The following OR52A5 variants were observed in gnomAD, a reference collection of about 807,000 sequenced individuals.
OR52A5 encodes olfactory receptor family 52 subfamily A member 5, also known as olfactory receptor 52A5.
A neutral mutation model predicts 18.2 loss-of-function variants in OR52A5; 16 were observed. That is an observed-to-expected ratio of 0.88 (90% CI 0.60 to 1.34). The LOEUF (loss-of-function observed/expected upper bound fraction) is 1.34. Among genes scored for constraint, OR52A5 ranks in the 40% most tolerant of loss-of-function variants. The pLI is 0.00. For missense variants in OR52A5, 418 were observed against 383.0 expected (o/e 1.09, Z -0.76); for synonymous variants, 140 against 137.2 (o/e 1.02, Z -0.14).
At chr11:5,135,540 G>A (rs372746657) in intron 1 of OR52A5, among the ~76,000 whole-genome samples, 259 of 152,226 alleles carry the variant, frequency 1.7e-3, no homozygotes, top group African/African-American at 5.7e-3. Flanking sequence ...GGAAGTGGGG[G>A]TGAGACATGC....
Position 5,132,570 on chromosome 11 carries a change from C to G in OR52A5, c.73G>C (p.Val25Leu), listed in dbSNP as rs139943633. 2.2e-4 allele frequency: 358 copies of G among 1,614,008 alleles called. 5 individuals carry two copies. In the East Asian group the frequency reaches 5.4e-3, roughly 25 times the overall value. The change falls in exon 2 of 2, where the codon GTG becomes CTG. Residue 25 changes from valine to leucine, a missense_variant. By Grantham distance (32) the Val-to-Leu change is conservative. Transcript: ENST00000307388. ...ILIGIPGLES[V>L]QCWIGIPFSA... ...AAAGGAATCCCAATCCAACACTGCA[C>G]TGACTCCAGACCAGGAATCCCAATT...
rs570006771 is a variant in OR52A5 at position 5,131,501 on chromosome 11, T to C, written c.*191A>G. 4.8e-4 allele frequency: 202 copies of C among 417,882 alleles called. 1 individual carries two copies. The East Asian group carries it at 7.8e-3, about 16-fold the overall frequency. The allele number at this position is 417,882 out of a possible 1,614,324, so 25.9% of individuals were successfully genotyped here. A position where few individuals can be genotyped will look rare whatever the true frequency, so the allele number is the denominator to read the frequency against. On this transcript the variant is annotated 3_prime_UTR_variant, in exon 2 of 2. Transcript: ENST00000307388. ...ATATTGATAAGTATTTCAGATAAAG[T>C]AAATAAGACACAGATAAATGATTCC... is the stretch of plus-strand genomic sequence containing the variant.
chr11:5,132,003 T>A lies in OR52A5; in HGVS notation c.640A>T (p.Ile214Leu). 1 of 1,614,216 alleles carries A rather than the reference T, an allele frequency of 6.2e-7. No individual in the cohort carries two copies. Among genetic ancestry groups the A allele is most frequent in the Non-Finnish European group, 8.5e-7 (1 of 1,180,036 alleles). Reference protein sequence around the residue: ...FVAFAILGFDIIFITLSYVQI... With the variant: ...FVAFAILGFDLIFITLSYVQI... ...ACATAGGACAAGGTTATAAATATTA[T>A]GTCAAACCCTAGGATTGCAAAGGCA... Residue 214 changes from isoleucine (I) to leucine (L), a missense_variant, in exon 2 of 2, where the codon ATA becomes TTA. Transcript: ENST00000307388.
chr11:5,133,885 C>G (rs909772252), intron 1 of OR52A5, among the ~76,000 whole-genome samples: 1 of 152,064 alleles, frequency 6.6e-6, no homozygotes, highest in Non-Finnish European at 1.5e-5. Flanking sequence ...CTTTATATAT[C>G]TATACATCTT....
At chr11:5,133,204 C>T (rs887482122) in intron 1 of OR52A5, among the ~76,000 whole-genome samples, 3 of 151,664 alleles carry the variant, frequency 2.0e-5, no homozygotes, top group Non-Finnish European at 4.4e-5. Context: ...CCCATCTCTA[C>T]TAAAAATACA....
At position 5,132,279 on chromosome 11, in the gene OR52A5, G is replaced by T. The variant is rs1326923532; in HGVS notation, c.364C>A (p.Leu122Met). The T allele has an allele frequency of 1.2e-6, 2 of 1,614,052 alleles. No individual in the cohort carries two copies. Among genetic ancestry groups the T allele is most frequent in the African/African-American group, 2.7e-5 (2 of 74,922 alleles). ...IESGILLAMA[L>M]DRYVAICIPL... The stretch of plus-strand genomic sequence containing the variant: ...ATACAGATGGCCACATAGCGATCCA[G>T]GGCCATTGCCAGAAGGATACCCGAT... The change falls in exon 2 of 2, where the codon CTG becomes ATG. Residue 122 changes from leucine to methionine, a missense_variant. Physicochemically the swap from Leu to Met is conservative, Grantham distance 15 (BLOSUM62 2). Coordinates refer to ENST00000307388, the MANE Select transcript of OR52A5 (RefSeq NM_001005160.3).
At position 5,131,950 on chromosome 11, in the gene OR52A5, C is replaced by T. The variant is rs777854699; in HGVS notation, c.693G>A (p.Leu231=). Residue 231 remains leucine (L), a synonymous_variant, in exon 2 of 2, where the codon CTG becomes CTA. Coordinates refer to ENST00000307388, the MANE Select transcript of OR52A5 (RefSeq NM_001005160.3). ...CCTTGAATCGTGCCTCCTTCTGGGG[C>T]AGCTGAAAGACAGTGATAAAAATTT... The part of the protein sequence containing the change: ...YVQIFITVFQ[L]PQKEARFKAF... 13 of 1,614,040 alleles carry T rather than the reference C, an allele frequency of 8.1e-6. No individual in the cohort carries two copies. The Admixed American group carries it at 1.8e-4, about 23-fold the overall frequency.
chr11:5,136,837 A>G (rs570709134), intron 1 of OR52A5, among the ~76,000 whole-genome samples: 18 of 152,360 alleles, frequency 1.2e-4, no homozygotes, highest in African/African-American at 3.8e-4. Flanking sequence ...TAGTTGGTTA[A>G]ATGTAAAAGG....
chr11:5,131,726 A>G lies in OR52A5; in HGVS notation c.917T>C (p.Ile306Thr), dbSNP rs1846338383. ...TTTTTTGAAGAAAAACACTTTCACAATATGGTCACGAATTTGCTTGGTCTT... is the reference window on the plus strand; with the variant it reads ...TTTTTTGAAGAAAAACACTTTCACAGTATGGTCACGAATTTGCTTGGTCTT... ...GVKTKQIRDH[I>T]VKVFFFKKVT The change falls in exon 2 of 2, where the codon ATT (isoleucine) becomes ACT (threonine). Residue 306 changes from isoleucine (I) to threonine (T), a missense_variant. By Grantham distance (89) the Ile-to-Thr change is moderately conservative. Transcript: ENST00000307388. 1.2e-6 allele frequency: 2 copies of G among 1,613,638 alleles called. No individual in the cohort carries two copies. The highest frequency in any genetic ancestry group is 1.7e-6 in the Non-Finnish European group (2 of 1,179,752).
Position 5,129,127 on chromosome 11 carries a change from C to G in OR52A5, c.*2565G>C, listed in dbSNP as rs1448086810. 1 of 152,224 alleles carries G rather than the reference C, an allele frequency of 6.6e-6. No homozygotes were observed. The highest frequency in any genetic ancestry group is 2.4e-5 in the African/African-American group (1 of 41,416). The allele number at this position is 152,224 out of a possible 1,614,324, so 9.4% of individuals were successfully genotyped here. A position where few individuals can be genotyped will look rare whatever the true frequency, so the allele number is the denominator to read the frequency against. ...AGGATCATCAGCCACACAGCTATCC[C>G]GGCACTCTGCTCCATTCATTTCCGT... On this transcript the variant is annotated 3_prime_UTR_variant, in exon 2 of 2. Coordinates refer to ENST00000307388, the MANE Select transcript of OR52A5 (RefSeq NM_001005160.3).
chr11:5,132,456 T>A lies in OR52A5; in HGVS notation c.187A>T (p.Ile63Phe), dbSNP rs759759899. The A allele has an allele frequency of 6.2e-7, 1 of 1,614,064 alleles. No homozygotes were observed. The highest frequency in any genetic ancestry group is 8.5e-7 in the Non-Finnish European group (1 of 1,180,012). Residue 63 changes from isoleucine to phenylalanine, a missense_variant, in exon 2 of 2, where the codon ATT (isoleucine) becomes TTT (phenylalanine). By Grantham distance (21) the Ile-to-Phe change is conservative. Transcript: ENST00000307388. ...YENSLHIPMY[I>F]FLAMLAATDI... The stretch of plus-strand genomic sequence containing the variant: ...GTGGCTGCCAACATGGCCAAAAAAA[T>A]GTACATGGGTATATGGAGGCTGTTT...
At position 5,132,272 on chromosome 11, in the gene OR52A5, C is replaced by T. The variant is rs371563426; in HGVS notation, c.371G>A (p.Arg124His). The change falls in exon 2 of 2, where the codon CGC becomes CAC. Residue 124 changes from arginine (R) to histidine (H), a missense_variant. Arg to His is a conservative substitution (Grantham distance 29, BLOSUM62 0). Transcript: ENST00000307388. ...CAAGGGGATACAGATGGCCACATAG[C>T]GATCCAGGGCCATTGCCAGAAGGAT... is the stretch of plus-strand genomic sequence containing the variant. Reference protein sequence around the residue: ...SGILLAMALDRYVAICIPLRH... With the variant: ...SGILLAMALDHYVAICIPLRH... The T allele has an allele frequency of 2.1e-5, 34 of 1,614,142 alleles. No homozygotes were observed. In the Middle Eastern group the frequency reaches 4.9e-4, roughly 23 times the overall value.
Position 5,129,541 on chromosome 11 carries a change from A to G in OR52A5, c.*2151T>C, listed in dbSNP as rs553678345. 6.6e-6 allele frequency: 1 copy of G among 152,208 alleles called. No homozygotes were observed. Among genetic ancestry groups the G allele is most frequent in the East Asian group, 1.9e-4 (1 of 5,174 alleles). The allele number at this position is 152,208 out of a possible 1,614,324, so 9.4% of individuals were successfully genotyped here. On this transcript the variant is annotated 3_prime_UTR_variant, in exon 2 of 2. Coordinates refer to ENST00000307388, the MANE Select transcript of OR52A5 (RefSeq NM_001005160.3). ...TAGTCAGGGCATATCAGTCTGACTC[A>G]TATCTCAGCCCTCTAGCTGCTGTAG...
At position 5,131,999 on chromosome 11, in the gene OR52A5, A is replaced by G; in HGVS notation, c.644T>C (p.Ile215Thr). Residue 215 changes from isoleucine to threonine, a missense_variant, in exon 2 of 2, where the codon ATA (isoleucine) becomes ACA (threonine). Coordinates refer to ENST00000307388, the MANE Select transcript of OR52A5 (RefSeq NM_001005160.3). ...TTGGACATAGGACAAGGTTATAAATATTATGTCAAACCCTAGGATTGCAAA... is the reference window on the plus strand; with the variant it reads ...TTGGACATAGGACAAGGTTATAAATGTTATGTCAAACCCTAGGATTGCAAA... ...VAFAILGFDI[I>T]FITLSYVQIF... is the part of the protein sequence containing the mutation. 1 of 1,614,214 alleles carries G rather than the reference A, an allele frequency of 6.2e-7. No homozygotes were observed. Among genetic ancestry groups the G allele is most frequent in the East Asian group, 2.2e-5 (1 of 44,884 alleles).
In OR52A5 at chr11:5,128,999, TAAAC is replaced by T. The variant is rs1289207835; in HGVS notation, c.*2689_*2692del. 1.3e-5 allele frequency: 2 copies of T among 151,958 alleles called. No individual in the cohort carries two copies. Among genetic ancestry groups the T allele is most frequent in the African/African-American group, 4.8e-5 (2 of 41,362 alleles). The allele number at this position is 151,958 out of a possible 1,614,324, so 9.4% of individuals were successfully genotyped here. A position where few individuals can be genotyped will look rare whatever the true frequency, so the allele number is the denominator to read the frequency against. The stretch of plus-strand genomic sequence containing the variant: ...CATGTGAATTCCATCTCAGTAAAAA[TAAAC>T]AATTGAATAAAGATCACCAAGGTAT... On this transcript the variant is annotated 3_prime_UTR_variant, in exon 2 of 2. Coordinates refer to ENST00000307388, the MANE Select transcript of OR52A5 (RefSeq NM_001005160.3).
rs2133521940 is a variant in OR52A5 at position 5,131,263 on chromosome 11, CA to C, written c.*428del. Reference sequence around the variant, plus strand: ...AGTAAAACTCAAGTTAGGTAAAAATCAATAAAATTGTGTGGTTCTAGAAGGA... The same window carrying C: ...AGTAAAACTCAAGTTAGGTAAAAATCATAAAATTGTGTGGTTCTAGAAGGA... On this transcript the variant is annotated 3_prime_UTR_variant, in exon 2 of 2. Coordinates refer to ENST00000307388, the MANE Select transcript of OR52A5 (RefSeq NM_001005160.3). 1 of 153,448 alleles carries C rather than the reference CA, an allele frequency of 6.5e-6. No individual in the cohort carries two copies. The highest frequency in any genetic ancestry group is 1.9e-4 in the East Asian group (1 of 5,196). The allele number at this position is 153,448 out of a possible 1,614,324, so 9.5% of individuals were successfully genotyped here.
intron 1 of OR52A5, 76 bp from the exon 2 acceptor site, chr11:5,132,778 T>C: frequency 1.8e-6 from 1 of 549,846 alleles, no homozygotes; most frequent in South Asian, 3.8e-5. Context: ...GAGTGTATCA[T>C]GTTGTATTTT....
chr11:5,133,607 G>A (rs377224426), intron 1 of OR52A5, among the ~76,000 whole-genome samples: 1 of 151,096 alleles, frequency 6.6e-6, no homozygotes, highest in African/African-American at 2.4e-5. Context: ...ACATTGTCCT[G>A]TGCATTCTCT....
intron 1 of OR52A5, chr11:5,138,103 C>A (rs925463282): frequency 1.6e-4 from 25 of 152,274 alleles, no homozygotes; most frequent in African/African-American, 6.0e-4. Context: ...AAATATGTCA[C>A]CCAGCATTTC....
Sources: allele counts gnomAD v4.1 joint callset (sites outside exome capture counted in the v4.1 genomes callset), GRCh38; gene constraint gnomAD v4.1.1; transcripts MANE v1.5; gene names NCBI Gene and HGNC (gene_info 2026-07-23, HGNC 2026-07-21).